Variants in RXFP2 observed in about 807,000 individuals in gnomAD.
RXFP2 encodes relaxin receptor 2.
A neutral mutation model predicts 88.6 loss-of-function variants in RXFP2; 68 were observed. The observed-to-expected ratio is 0.77, with a 90% CI of 0.63 to 0.94. The LOEUF is 0.94. RXFP2 is among the 40% of genes least tolerant of loss of function. The pLI is 0.00. For missense variants in RXFP2, 791 were observed against 893.9 expected (o/e 0.88, Z 1.47); for synonymous variants, 329 against 306.8 (o/e 1.07, Z -0.76).
intron 2 of RXFP2, among the ~76,000 whole-genome samples, chr13:31,760,261 T>C (rs1426774884): frequency 1.3e-5 from 2 of 152,090 alleles, no homozygotes; most frequent in African/African-American, 4.8e-5. Flanking sequence ...GCTAATTTTT[T>C]TGTATTTTTA....
intron 5 of RXFP2, among the ~76,000 whole-genome samples, chr13:31,773,929 A>G (rs1450981906): frequency 6.6e-6 from 1 of 152,218 alleles, no homozygotes; most frequent in East Asian, 1.9e-4. Flanking sequence ...AGAGAATAGG[A>G]ATTCAGAGCT....
intron 2 of RXFP2, among the ~76,000 whole-genome samples, chr13:31,760,280 G>A (rs923437925): frequency 2.2e-4 from 33 of 152,052 alleles, no homozygotes; most frequent in Admixed American, 1.3e-3. Context: ...TAATAGAGAC[G>A]GGGTTTCAAC....
At chr13:31,786,779 T>A in intron 13 of RXFP2, 142 bp downstream of exon 13, 1 of 591,352 alleles carries the variant, frequency 1.7e-6, no homozygotes, top group Non-Finnish European at 3.0e-6. Context: ...AAGTACATAC[T>A]GAATGACAAA....
rs764745090 is a variant in RXFP2 at position 31,766,043 on chromosome 13, T to G, written c.497+16T>G. The G allele has an allele frequency of 2.1e-5, 25 of 1,210,438 alleles. No individual in the cohort carries two copies. In the African/African-American group the frequency reaches 4.6e-4, roughly 22 times the overall value. The allele number at this position is 1,210,438 out of a possible 1,614,324, so 75.0% of individuals were successfully genotyped here. On this transcript the variant is annotated intron_variant, in intron 5 of 17. Coordinates refer to ENST00000298386, the MANE Select transcript of RXFP2 (RefSeq NM_130806.5). ...TTAAAAAGATGTAAGTAGCCGTTAA[T>G]AGCATATTTATTTAAAAAAAATCCT... is the stretch of plus-strand genomic sequence containing the variant.
chr13:31,769,336 A>AC (rs1872656246), intron 5 of RXFP2, among the ~76,000 whole-genome samples: 1 of 151,898 alleles, frequency 6.6e-6, no homozygotes, highest in African/African-American at 2.4e-5. Context: ...TCCTAAATTT[A>AC]CCCCCAAGAG....
chr13:31,755,782 A>G (rs1273385221), intron 1 of RXFP2, among the ~76,000 whole-genome samples: 1 of 152,222 alleles, frequency 6.6e-6, no homozygotes, highest in Non-Finnish European at 1.5e-5. Context: ...GACTGGTCTT[A>G]TGCCTAGCTG....
intron 3 of RXFP2, among the ~76,000 whole-genome samples, chr13:31,764,568 C>T (rs1014174588): frequency 1.1e-4 from 16 of 152,082 alleles, no homozygotes; most frequent in African/African-American, 3.9e-4. Context: ...ATGGTAGAAC[C>T]TGCATCTCAA....
At chr13:31,781,341 G>A (rs1873262369) in intron 9 of RXFP2, among the ~76,000 whole-genome samples, 1 of 152,090 alleles carries the variant, frequency 6.6e-6, no homozygotes, top group African/African-American at 2.4e-5. Flanking sequence ...GGAGTGCTGT[G>A]TGATGCGTGT....
At chr13:31,752,828 G>A (rs1462089781) in intron 1 of RXFP2, among the ~76,000 whole-genome samples, 1 of 152,198 alleles carries the variant, frequency 6.6e-6, no homozygotes, top group Non-Finnish European at 1.5e-5. Context: ...TGAGTTCTTG[G>A]TAGTGATGGA....
intron 5 of RXFP2, among the ~76,000 whole-genome samples, chr13:31,771,791 T>A (rs1345136065): frequency 6.9e-6 from 1 of 144,428 alleles, no homozygotes; most frequent in Non-Finnish European, 1.5e-5. Flanking sequence ...AACTCTGTCT[T>A]AAAAAAAAAA....
chr13:31,771,201 A>C (rs1228366327), intron 5 of RXFP2, among the ~76,000 whole-genome samples: 3 of 152,230 alleles, frequency 2.0e-5, no homozygotes, highest in Non-Finnish European at 2.9e-5. Flanking sequence ...CTGCATATTT[A>C]AGTTGTATTG....
chr13:31,745,453 T>C (rs1306139551), intron 1 of RXFP2, among the ~76,000 whole-genome samples: 1 of 152,176 alleles, frequency 6.6e-6, no homozygotes, highest in Non-Finnish European at 1.5e-5. Context: ...AATCACAATC[T>C]TGGGCGATCA....
chr13:31,792,058 T>C (rs1407517842), intron 15 of RXFP2, 23 bp downstream of exon 15: 1 of 1,516,828 alleles, frequency 6.6e-7, no homozygotes, highest in Non-Finnish European at 9.2e-7. Context: ...CCAGTATAAG[T>C]AGATTAAGGA....
Position 31,765,970 on chromosome 13 carries a change from A to T in RXFP2, c.440A>T (p.Asn147Ile). 6.5e-7 allele frequency: 1 copy of T among 1,538,660 alleles called. No individual in the cohort carries two copies. Among genetic ancestry groups the T allele is most frequent in the Non-Finnish European group, 9.0e-7 (1 of 1,115,020 alleles). ...TGTTATTTTAGGTCTCTTAAGAAAAACAAAATCCACAGTCTTCCAGATAAA... is the reference window on the plus strand; with the variant it reads ...TGTTATTTTAGGTCTCTTAAGAAAATCAAAATCCACAGTCTTCCAGATAAA... The part of the protein sequence containing the change: ...NNVTLLSLKK[N>I]KIHSLPDKVF... The change falls in exon 5 of 18, where the codon AAC becomes ATC. Residue 147 changes from asparagine to isoleucine, a missense_variant. Physicochemically the swap from Asn to Ile is moderately radical, Grantham distance 149. Coordinates refer to ENST00000298386, the MANE Select transcript of RXFP2 (RefSeq NM_130806.5).
At chr13:31,798,000 G>C (rs1028399215) in intron 17 of RXFP2, among the ~76,000 whole-genome samples, 2 of 152,148 alleles carry the variant, frequency 1.3e-5, no homozygotes, top group Non-Finnish European at 2.9e-5. Context: ...GGAATCTAGA[G>C]ATCACAGCTA....
chr13:31,798,843 C>T (rs141869227), intron 17 of RXFP2, among the ~76,000 whole-genome samples: 308 of 152,258 alleles, frequency 2.0e-3, no homozygotes, highest in African/African-American at 7.2e-3. Flanking sequence ...TACTAAACAC[C>T]ACTTCCCATC....
chr13:31,788,432 C>G (rs1873651887), intron 13 of RXFP2, among the ~76,000 whole-genome samples: 1 of 152,142 alleles, frequency 6.6e-6, no homozygotes, highest in Non-Finnish European at 1.5e-5. Flanking sequence ...CATGGCAGCT[C>G]TTAATTCATA....
intron 2 of RXFP2, among the ~76,000 whole-genome samples, chr13:31,759,437 GA>G (rs1350986142): frequency 2.5e-4 from 37 of 148,618 alleles, no homozygotes; most frequent in Non-Finnish European, 3.1e-4. Flanking sequence ...AAGAAAGAAA[GA>G]AAGAAAGATA....
At chr13:31,776,226 C>T (rs1404028431) in intron 7 of RXFP2, among the ~76,000 whole-genome samples, 5 of 132,914 alleles carry the variant, frequency 3.8e-5, no homozygotes, top group African/African-American at 1.1e-4. Context: ...GCTTGCTTGC[C>T]TTCCTTTTTT....
Sources: gnomAD v4.1 joint callset for allele counts (sites outside exome capture counted in the v4.1 genomes callset) on GRCh38, gnomAD v4.1.1 for gene constraint, MANE v1.5 for transcripts, NCBI Gene and HGNC (gene_info 2026-07-23, HGNC 2026-07-21) for gene names.